Variants in PRKG1 observed in about 807,000 individuals in gnomAD.
PRKG1 encodes the protein protein kinase cGMP-dependent 1, also known as cGMP-dependent protein kinase 1.
Under a neutral mutation model 88.1 loss-of-function variants are expected in PRKG1, and 35 were observed. The observed-to-expected ratio is 0.40, with a 90% CI of 0.30 to 0.53. PRKG1 has a LOEUF of 0.53. Among genes scored for constraint, PRKG1 ranks in the 20% least tolerant of loss-of-function variants. PRKG1 has a pLI of 0.59. For missense variants in PRKG1, 540 were observed against 839.8 expected (o/e 0.64, Z 4.41); for synonymous variants, 303 against 292.5 (o/e 1.04, Z -0.37).
intron 3 of PRKG1, among the ~76,000 whole-genome samples, chr10:51,486,918 G>A (rs1311683200): frequency 3.3e-5 from 5 of 152,002 alleles, no homozygotes; most frequent in Admixed American, 6.6e-5. Flanking sequence ...TCCTTCAAGA[G>A]GTGATCTGTT....
At chr10:51,119,356 T>C (rs1379111825) in intron 1 of PRKG1, among the ~76,000 whole-genome samples, 2 of 152,072 alleles carry the variant, frequency 1.3e-5, no homozygotes, top group African/African-American at 2.4e-5. Context: ...TTTTTATAAA[T>C]CTTAATTATT....
intron 2 of PRKG1, among the ~76,000 whole-genome samples, chr10:51,222,762 C>T (rs1378281901): frequency 6.6e-6 from 1 of 151,828 alleles, no homozygotes; most frequent in Non-Finnish European, 1.5e-5. Flanking sequence ...GAGAAGAGGC[C>T]CTGACGGTAG....
At chr10:51,063,866 C>T (rs1843719865) in intron 1 of PRKG1, among the ~76,000 whole-genome samples, 1 of 151,924 alleles carries the variant, frequency 6.6e-6, no homozygotes, top group South Asian at 2.1e-4. Flanking sequence ...TGCAATTGTA[C>T]CTTTAGTTCT....
chr10:51,992,625 C>T (rs1450291262), intron 5 of PRKG1, among the ~76,000 whole-genome samples: 3 of 152,114 alleles, frequency 2.0e-5, no homozygotes, highest in Non-Finnish European at 2.9e-5. Context: ...GCCCCAAAAT[C>T]GTATCTTTTC....
intron 3 of PRKG1, among the ~76,000 whole-genome samples, chr10:51,529,858 T>G (rs1841975529): frequency 6.6e-6 from 1 of 152,232 alleles, no homozygotes; most frequent in Non-Finnish European, 1.5e-5. Flanking sequence ...GGATGGTTAT[T>G]GTAGCGGAGT....
At chr10:51,997,684 G>A (rs568037123) in intron 5 of PRKG1, among the ~76,000 whole-genome samples, 9 of 152,112 alleles carry the variant, frequency 5.9e-5, no homozygotes, top group Middle Eastern at 3.4e-3. Context: ...AATGTTGTAC[G>A]CAATAAATAC....
At chr10:51,953,570 G>A (rs1843234631) in intron 5 of PRKG1, among the ~76,000 whole-genome samples, 6 of 152,278 alleles carry the variant, frequency 3.9e-5, no homozygotes, top group Non-Finnish European at 5.9e-5. Flanking sequence ...CAGTTAGTTC[G>A]GGAGGTACTT....
chr10:51,922,143 C>T (rs1446952426), intron 5 of PRKG1, among the ~76,000 whole-genome samples: 1 of 151,640 alleles, frequency 6.6e-6, no homozygotes, highest in Non-Finnish European at 1.5e-5. Flanking sequence ...TAGATCATGT[C>T]TTTTAAGGAA....
intron 8 of PRKG1, among the ~76,000 whole-genome samples, chr10:52,148,370 C>T (rs1837789792): frequency 6.6e-6 from 1 of 152,064 alleles, no homozygotes; most frequent in Non-Finnish European, 1.5e-5. Context: ...TTTGAGAAAC[C>T]GTGCTGTAAG....
chr10:51,907,013 T>C (rs1214021771), intron 4 of PRKG1, among the ~76,000 whole-genome samples: 1 of 152,190 alleles, frequency 6.6e-6, no homozygotes, highest in Non-Finnish European at 1.5e-5. Flanking sequence ...TTTCTATTTC[T>C]ATTTGAATGT....
chr10:51,653,873 G>A (rs1840100166), intron 3 of PRKG1, among the ~76,000 whole-genome samples: 1 of 152,054 alleles, frequency 6.6e-6, no homozygotes, highest in South Asian at 2.1e-4. Flanking sequence ...TGGCCTCTTT[G>A]CCTATTTTTA....
intron 2 of PRKG1, among the ~76,000 whole-genome samples, chr10:51,413,222 G>GT (rs898309828): frequency 6.6e-6 from 1 of 152,042 alleles, no homozygotes; most frequent in African/African-American, 2.4e-5. Context: ...TGTTTGACTG[G>GT]TTTTTTATTG....
chr10:51,648,588 C>G (rs1340428367), intron 3 of PRKG1, among the ~76,000 whole-genome samples: 1 of 152,094 alleles, frequency 6.6e-6, no homozygotes, highest in Admixed American at 6.6e-5. Context: ...TATTTTTTCT[C>G]TAATCATCTT....
intron 1 of PRKG1, among the ~76,000 whole-genome samples, chr10:51,082,088 AC>A (rs1844126178): frequency 1.3e-5 from 2 of 152,084 alleles, no homozygotes; most frequent in Admixed American, 6.5e-5. Flanking sequence ...GACAAAAACA[AC>A]CCTATGAGGA....
At chr10:51,129,783 C>T (rs1193843163) in intron 1 of PRKG1, among the ~76,000 whole-genome samples, 1 of 152,186 alleles carries the variant, frequency 6.6e-6, no homozygotes. Context: ...TCTCCAATCT[C>T]TTTTCTCATT....
At chr10:52,164,364 GTAAA>G (rs5784909) in intron 9 of PRKG1, among the ~76,000 whole-genome samples, 11 of 149,004 alleles carry the variant, frequency 7.4e-5, no homozygotes, top group African/African-American at 2.0e-4. Flanking sequence ...AAATAAGTAA[GTAAA>G]TAAATAAATA....
chr10:51,897,626 C>T (rs1360514039), intron 4 of PRKG1, among the ~76,000 whole-genome samples: 2 of 152,118 alleles, frequency 1.3e-5, no homozygotes, highest in Admixed American at 1.3e-4. Flanking sequence ...TTTATTGGTT[C>T]CTTTCAACCA....
intron 5 of PRKG1, among the ~76,000 whole-genome samples, chr10:51,918,354 T>G (rs1433365599): frequency 2.0e-5 from 3 of 152,084 alleles, no homozygotes; most frequent in Non-Finnish European, 2.9e-5. Context: ...ATTTTTTTTT[T>G]TGTGAGAGTA....
rs1589476999 is a variant in PRKG1 at position 51,977,703 on chromosome 10, A to G, written c.762+70133A>G. On this transcript the variant is annotated intron_variant, in intron 5 of 17. Transcript: ENST00000373980. ...GGTATATTATTGTGGTTTTCATTTG[A>G]ATTTCTCTAGTGATCAGTGATACTG... Among the ~76,000 whole-genome samples, 3 of 151,718 alleles carry G rather than the reference A, an allele frequency of 2.0e-5. No individual in the cohort carries two copies. In the South Asian group the frequency reaches 6.2e-4, roughly 32 times the overall value.
Sources: gnomAD v4.1 joint callset for allele counts (sites outside exome capture counted in the v4.1 genomes callset) on GRCh38, gnomAD v4.1.1 for gene constraint, MANE v1.5 for transcripts, NCBI Gene and HGNC (gene_info 2026-07-23, HGNC 2026-07-21) for gene names.